The following PAK5 variants were observed in gnomAD, a reference collection of about 807,000 sequenced individuals.
The protein encoded by PAK5 is serine/threonine-protein kinase PAK 5.
PAK5 carries 16 observed loss-of-function variants against 65.9 expected under a neutral mutation model. The observed-to-expected ratio is 0.24, with a 90% confidence interval of 0.16 to 0.37. The LOEUF is 0.37. Ranked by LOEUF, PAK5 falls within the 10% of genes least tolerant of loss-of-function variation. The pLI is 1.00. For synonymous variants in PAK5, 371 were observed against 354.9 expected (o/e 1.05, Z -0.51); for missense variants, 785 against 903.9 (o/e 0.87, Z 1.69).
chr20:9,759,803 TGG>T (rs2048677932), intron 1 of PAK5, among the ~76,000 whole-genome samples: 1 of 152,150 alleles, frequency 6.6e-6, no homozygotes, highest in South Asian at 2.1e-4. Flanking sequence ...TGTTGGGTCA[TGG>T]GGAACAAGTC....
chr20:9,703,894 G>C (rs1282946486), intron 2 of PAK5, among the ~76,000 whole-genome samples: 1 of 152,200 alleles, frequency 6.6e-6, no homozygotes, highest in Non-Finnish European at 1.5e-5. Context: ...GCAATGAGCA[G>C]TGGCAGAGAA....
intron 3 of PAK5, among the ~76,000 whole-genome samples, chr20:9,641,936 A>G (rs959959245): frequency 5.9e-5 from 9 of 152,044 alleles, no homozygotes; most frequent in Middle Eastern, 3.4e-3. Context: ...GCCCGCAAGC[A>G]CCGCATGCAG....
intron 2 of PAK5, among the ~76,000 whole-genome samples, chr20:9,697,117 A>C (rs2047879549): frequency 6.6e-6 from 1 of 152,054 alleles, no homozygotes; most frequent in Non-Finnish European, 1.5e-5. Flanking sequence ...TCCTTCCCCC[A>C]AAAGACTTCT....
At chr20:9,593,361 A>G (rs1163300429) in intron 3 of PAK5, among the ~76,000 whole-genome samples, 3 of 152,092 alleles carry the variant, frequency 2.0e-5, no homozygotes, top group East Asian at 1.9e-4. Context: ...CTCTTTACCA[A>G]TCCCACCAGT....
chr20:9,719,016 ATCTTTGTC>A (rs773683403), intron 1 of PAK5, among the ~76,000 whole-genome samples: 1 of 152,146 alleles, frequency 6.6e-6, no homozygotes, highest in Non-Finnish European at 1.5e-5. Context: ...CCCCCCTGTG[ATCTTTGTC>A]TCTATACATG....
At chr20:9,554,131 G>A (rs1404348900) in intron 7 of PAK5, among the ~76,000 whole-genome samples, 1 of 152,210 alleles carries the variant, frequency 6.6e-6, no homozygotes, top group Non-Finnish European at 1.5e-5. Context: ...GTGGCAGACA[G>A]TATTTTCCAA....
chr20:9,767,695 C>T (rs1016889004), intron 1 of PAK5, among the ~76,000 whole-genome samples: 2 of 152,156 alleles, frequency 1.3e-5, no homozygotes, highest in African/African-American at 4.8e-5. Flanking sequence ...TCAGTCACCC[C>T]CTTGCCTCCC....
intron 2 of PAK5, among the ~76,000 whole-genome samples, chr20:9,652,503 T>C (rs1021422362): frequency 6.6e-6 from 1 of 152,232 alleles, no homozygotes; most frequent in Non-Finnish European, 1.5e-5. Flanking sequence ...ATTCATCTAC[T>C]ACAGTGTCTC....
intron 1 of PAK5, among the ~76,000 whole-genome samples, chr20:9,732,438 T>G (rs2048344070): frequency 6.6e-6 from 1 of 152,126 alleles, no homozygotes; most frequent in South Asian, 2.1e-4. Context: ...ATTGGGAAAA[T>G]GCATAAAAAC....
At chr20:9,688,714 A>G (rs1156258595) in intron 2 of PAK5, among the ~76,000 whole-genome samples, 1 of 152,070 alleles carries the variant, frequency 6.6e-6, no homozygotes, top group Non-Finnish European at 1.5e-5. Context: ...GGGGCACTCC[A>G]ACACTTCACC....
intron 1 of PAK5, among the ~76,000 whole-genome samples, chr20:9,759,750 G>A (rs1026728866): frequency 6.6e-6 from 1 of 152,118 alleles, no homozygotes; most frequent in Non-Finnish European, 1.5e-5. Context: ...GCTACGAAAT[G>A]ACTCCCTGGA....
intron 2 of PAK5, among the ~76,000 whole-genome samples, chr20:9,673,314 T>C (rs6133736): frequency 0.19 from 28,809 of 152,048 alleles, 3,276 homozygotes; most frequent in East Asian, 0.4. Flanking sequence ...CAAATCTCTT[T>C]CCTTAAATAA....
rs1040158912 is a variant in PAK5 at position 9,569,092 on chromosome 20, C to G, written c.991-2708G>C. On this transcript the variant is annotated intron_variant, in intron 4 of 9. Transcript: ENST00000353224. ...CCTCTCAATTTGTGACCTACAGAAA[C>G]TGTGAAATAGTAAATGTTTGTTATT... Among the ~76,000 whole-genome samples the G allele has an allele frequency of 3.3e-5, 5 of 152,280 alleles. No homozygotes were observed. The South Asian group carries it at 1.0e-3, about 32-fold the overall frequency.
At chr20:9,758,910 C>G (rs184278504) in intron 1 of PAK5, among the ~76,000 whole-genome samples, 84 of 152,212 alleles carry the variant, frequency 5.5e-4, no homozygotes, top group African/African-American at 2.0e-3. Flanking sequence ...AAAGTTTTTA[C>G]CAACAAAACA....
chr20:9,580,894 A>C lies in PAK5; in HGVS notation c.241T>G (p.Ser81Ala). 6.2e-7 allele frequency: 1 copy of C among 1,606,254 alleles called. No homozygotes were observed. The highest frequency in any genetic ancestry group is 8.5e-7 in the Non-Finnish European group (1 of 1,176,252). The change falls in exon 4 of 10, where the codon TCC (serine) becomes GCC (alanine). Residue 81 changes from serine to alanine, a missense_variant. By Grantham distance (99) the Ser-to-Ala change is moderately conservative. This residue lies in a region of PAK5 where 71 missense variants were observed against 110.2 expected (regional missense o/e 0.64). Coordinates refer to ENST00000353224, the MANE Select transcript of PAK5 (RefSeq NM_177990.4). Reference protein sequence around the residue: ...VRGNKPCKETSINGLLEDFDN... With the variant: ...VRGNKPCKETAINGLLEDFDN... The stretch of plus-strand genomic sequence containing the variant: ...AAATCCTCTAGCAGGCCGTTGATGG[A>C]GGTTTCCTTGCAGGGTTTGTTTCCT...
At position 9,598,608 on chromosome 20, in the gene PAK5, C is replaced by T. The variant is rs576923610; in HGVS notation, c.205-17678G>A. ...AAAATCATTCCTATTTCTCCACAGCCTTGCCAGGATCTGTTGTTTCTTGAC... is the reference window on the plus strand; with the variant it reads ...AAAATCATTCCTATTTCTCCACAGCTTTGCCAGGATCTGTTGTTTCTTGAC... On this transcript the variant is annotated intron_variant, in intron 3 of 9. Coordinates refer to ENST00000353224, the MANE Select transcript of PAK5 (RefSeq NM_177990.4). Among the ~76,000 whole-genome samples the T allele has an allele frequency of 2.0e-5, 3 of 152,242 alleles. No homozygotes were observed. The East Asian group carries it at 5.8e-4, about 29-fold the overall frequency.
At chr20:9,603,558 GTTC>G (rs1051445942) in intron 3 of PAK5, among the ~76,000 whole-genome samples, 9 of 152,074 alleles carry the variant, frequency 5.9e-5, no homozygotes, top group Non-Finnish European at 1.5e-5. Flanking sequence ...TTTCCATATT[GTTC>G]TTCTTGATGA....
chr20:9,672,908 G>A (rs959919098), intron 2 of PAK5, among the ~76,000 whole-genome samples: 3 of 152,204 alleles, frequency 2.0e-5, no homozygotes, highest in Admixed American at 1.3e-4. Context: ...AAAGGAGGCA[G>A]CAAATGCAAT....
chr20:9,775,025 A>G (rs990271417), intron 1 of PAK5, among the ~76,000 whole-genome samples: 3 of 152,154 alleles, frequency 2.0e-5, no homozygotes, highest in Non-Finnish European at 2.9e-5. Context: ...ATATACTAAT[A>G]AGCACAGCAG....
Sources: allele counts gnomAD v4.1 joint callset (sites outside exome capture counted in the v4.1 genomes callset), GRCh38; gene constraint gnomAD v4.1.1; regional missense constraint gnomAD v4.1.1; transcripts MANE v1.5; gene names NCBI Gene and HGNC (gene_info 2026-07-23, HGNC 2026-07-21).